Variants in CACNG2 observed in about 807,000 individuals in gnomAD.
The protein encoded by CACNG2 is calcium voltage-gated channel auxiliary subunit gamma 2.
CACNG2 carries 3 observed loss-of-function variants against 25.9 expected under a neutral mutation model. The observed-to-expected ratio is 0.12, with a 90% confidence interval of 0.05 to 0.30. The LOEUF is 0.30. Among genes scored for constraint, CACNG2 ranks in the 10% least tolerant of loss-of-function variants. The pLI is 1.00. For missense variants in CACNG2, 341 were observed against 432.5 expected (o/e 0.79, Z 1.88); for synonymous variants, 167 against 173.3 (o/e 0.96, Z 0.29).
chr22:36,675,745 A>C (rs1050157581), intron 1 of CACNG2, among the ~76,000 whole-genome samples: 1 of 152,238 alleles, frequency 6.6e-6, no homozygotes, highest in African/African-American at 2.4e-5. Flanking sequence ...TTATCGTAGT[A>C]TCCCACTTTC....
chr22:36,678,641 C>T (rs567935208), intron 1 of CACNG2, among the ~76,000 whole-genome samples: 11 of 150,644 alleles, frequency 7.3e-5, no homozygotes, highest in African/African-American at 2.0e-4. Flanking sequence ...CCTACAGCTC[C>T]CACACTACGG....
At chr22:36,580,836 G>GACACAACACGCACACATACACAC (rs1935402910) in intron 2 of CACNG2, among the ~76,000 whole-genome samples, 1 of 151,850 alleles carries the variant, frequency 6.6e-6, no homozygotes, top group Admixed American at 6.6e-5. Context: ...CCATCTCCTG[G>GACACAACACGCACACATACACAC]ACACAACACG....
intron 1 of CACNG2, among the ~76,000 whole-genome samples, chr22:36,626,376 T>C (rs1308452789): frequency 6.6e-6 from 1 of 152,216 alleles, no homozygotes; most frequent in Non-Finnish European, 1.5e-5. Flanking sequence ...ACCTACCTCA[T>C]TCTTGACTAC....
At chr22:36,664,395 G>A (rs114860263) in intron 1 of CACNG2, among the ~76,000 whole-genome samples, 1 of 152,240 alleles carries the variant, frequency 6.6e-6, no homozygotes, top group African/African-American at 2.4e-5. Flanking sequence ...AACAGGATGA[G>A]CAAGGTCCTT....
At chr22:36,593,740 G>A (rs1421636499) in intron 1 of CACNG2, among the ~76,000 whole-genome samples, 1 of 152,050 alleles carries the variant, frequency 6.6e-6, no homozygotes, top group Non-Finnish European at 1.5e-5. Flanking sequence ...TGGGATACAG[G>A]TCACTGTGCG....
chr22:36,567,375 C>A (rs985766686), intron 2 of CACNG2, among the ~76,000 whole-genome samples: 3 of 152,104 alleles, frequency 2.0e-5, no homozygotes, highest in African/African-American at 7.2e-5. Context: ...CCTCTCTGTT[C>A]AACGACACAG....
intron 1 of CACNG2, among the ~76,000 whole-genome samples, chr22:36,589,744 C>T (rs1045858949): frequency 2.0e-5 from 3 of 152,120 alleles, no homozygotes; most frequent in Non-Finnish European, 2.9e-5. Flanking sequence ...CGTGTCATGG[C>T]CCCTCTGCCC....
intron 1 of CACNG2, among the ~76,000 whole-genome samples, chr22:36,651,417 T>C (rs6000366): frequency 0.14 from 21,150 of 151,528 alleles, 4,029 homozygotes; most frequent in African/African-American, 0.44. Flanking sequence ...TAAGTAGAGA[T>C]GGGGTTTTAC....
intron 1 of CACNG2, among the ~76,000 whole-genome samples, chr22:36,697,450 T>C (rs1029125583): frequency 6.6e-6 from 1 of 152,162 alleles, no homozygotes; most frequent in Non-Finnish European, 1.5e-5. Flanking sequence ...AGAGGGCACA[T>C]GATAGGGGGA....
chr22:36,699,278 G>T (rs981548864), intron 1 of CACNG2, among the ~76,000 whole-genome samples: 2 of 109,950 alleles, frequency 1.8e-5, no homozygotes, highest in African/African-American at 4.4e-5. Context: ...CACACACACA[G>T]ACTTTTCAGT....
At chr22:36,701,955 T>C (rs1937416039) in intron 1 of CACNG2, among the ~76,000 whole-genome samples, 1 of 152,122 alleles carries the variant, frequency 6.6e-6, no homozygotes, top group African/African-American at 2.4e-5. Flanking sequence ...GGGAAGAGCA[T>C]TTTTGAATTC....
chr22:36,697,873 A>G (rs765135447), intron 1 of CACNG2, among the ~76,000 whole-genome samples: 1 of 152,194 alleles, frequency 6.6e-6, no homozygotes, highest in Non-Finnish European at 1.5e-5. Flanking sequence ...ACTTTGGTAT[A>G]CTTTAGAAGC....
chr22:36,569,601 G>A (rs1166779199), intron 2 of CACNG2, among the ~76,000 whole-genome samples: 1 of 152,176 alleles, frequency 6.6e-6, no homozygotes, highest in Non-Finnish European at 1.5e-5. Flanking sequence ...GTGCAGTGGC[G>A]TGATCTTGAC....
At chr22:36,609,959 C>A (rs1051314911) in intron 1 of CACNG2, among the ~76,000 whole-genome samples, 2 of 150,672 alleles carry the variant, frequency 1.3e-5, no homozygotes, top group Admixed American at 6.6e-5. Context: ...ATCAGCCCCC[C>A]AGAGCGTGAC....
intron 1 of CACNG2, among the ~76,000 whole-genome samples, chr22:36,650,374 T>G (rs1221411546): frequency 1.3e-5 from 2 of 151,996 alleles, no homozygotes; most frequent in Non-Finnish European, 2.9e-5. Flanking sequence ...GCCATTCTAT[T>G]TTACTTTTTT....
At position 36,564,896 on chromosome 22, in the gene CACNG2, G is replaced by T. The variant is rs200636031; in HGVS notation, c.437-10C>A. 1 of 1,609,368 alleles carries T rather than the reference G, an allele frequency of 6.2e-7. No homozygotes were observed. Among genetic ancestry groups the T allele is most frequent in the Non-Finnish European group, 8.5e-7 (1 of 1,179,708 alleles). The stretch of plus-strand genomic sequence containing the variant: ...ATGATGTTACTCAGACCTGCGGGGC[G>T]CAGGGTGGCGGGGTGGGGGATCAGA... On this transcript the variant is annotated splice_polypyrimidine_tract_variant and intron_variant, in intron 3 of 3. Coordinates refer to ENST00000300105, the MANE Select transcript of CACNG2 (RefSeq NM_006078.5). This position sits in a 1 kb window ranked among gnomAD's most constrained non-coding sequence, Gnocchi z 6.7.
chr22:36,694,570 A>G (rs943047491), intron 1 of CACNG2, among the ~76,000 whole-genome samples: 1 of 152,256 alleles, frequency 6.6e-6, no homozygotes, highest in Non-Finnish European at 1.5e-5. Context: ...ATTGTAAAAT[A>G]TGCCAAGAAT....
intron 2 of CACNG2, among the ~76,000 whole-genome samples, chr22:36,580,845 C>T (rs548157681): frequency 3.9e-5 from 6 of 152,240 alleles, no homozygotes; most frequent in African/African-American, 9.6e-5. Flanking sequence ...GGACACAACA[C>T]GCACACATAC....
rs8138746 is a variant in CACNG2 at position 36,675,938 on chromosome 22, G to A, written c.211+26428C>T. Among the ~76,000 whole-genome samples the A allele has an allele frequency of 6.8e-3, 1,039 of 152,316 alleles. 14 individuals are homozygous for A. The highest frequency in any genetic ancestry group is 0.022 in the African/African-American group (917 of 41,580). On this transcript the variant is annotated intron_variant, in intron 1 of 3. Coordinates refer to ENST00000300105, the MANE Select transcript of CACNG2 (RefSeq NM_006078.5). ...ACAGCCCTGTCTGTGCTAAGGTATT[G>A]AAGCCTCATGATGACCCTATGAGGT... is the stretch of plus-strand genomic sequence containing the variant.
Sources: gnomAD v4.1 joint callset for allele counts (sites outside exome capture counted in the v4.1 genomes callset) on GRCh38, gnomAD v4.1.1 for gene constraint, Gnocchi (gnomAD v3.1) non-coding constraint, MANE v1.5 for transcripts, NCBI Gene and HGNC (gene_info 2026-07-23, HGNC 2026-07-21) for gene names.